The following KIF16B variants were observed in gnomAD, a reference collection of about 807,000 sequenced individuals.
The protein encoded by KIF16B is kinesin family member 16B, also known as kinesin-like protein KIF16B.
A neutral mutation model predicts 156.3 loss-of-function variants in KIF16B; 98 were observed. The ratio of observed to expected loss-of-function variants is 0.63; its 90% CI spans 0.53 to 0.74. The LOEUF (loss-of-function observed/expected upper bound fraction) is 0.74, where lower values mean the gene tolerates loss of function less well. Ranked by LOEUF, KIF16B falls within the 30% of genes least tolerant of loss-of-function variation. The probability of loss-of-function intolerance (pLI) is 0.00; values close to 1 mark genes in which losing one functional copy is unlikely to be tolerated. For missense variants in KIF16B, 1,421 were observed against 1,606.5 expected, an observed-to-expected ratio of 0.88 and a Z score of 1.97; for synonymous variants, 564 against 583.7, an observed-to-expected ratio of 0.97 and a Z score of 0.49.
rs558087338 is a variant in KIF16B at position 16,569,868 on chromosome 20, A to G, written c.47+3361T>C. Reference sequence around the variant, plus strand: ...CATGAGGAAAGTAAAAACAAACAGTAAAAAAAAAGCCTTTCATCTTTGCCT... The same window carrying G: ...CATGAGGAAAGTAAAAACAAACAGTGAAAAAAAAGCCTTTCATCTTTGCCT... On this transcript the variant is annotated intron_variant, in intron 1 of 25. Transcript: ENST00000354981. Among the ~76,000 whole-genome samples the G allele has an allele frequency of 2.0e-5, 3 of 151,278 alleles. No homozygotes were observed. The South Asian group carries it at 6.3e-4, about 32-fold the overall frequency.
chr20:16,476,832 G>C (rs1600497182), intron 12 of KIF16B, among the ~76,000 whole-genome samples: 1 of 152,100 alleles, frequency 6.6e-6, no homozygotes, highest in Admixed American at 6.5e-5. Flanking sequence ...AATCTCGGCT[G>C]ACTGCAACCT....
intron 23 of KIF16B, among the ~76,000 whole-genome samples, chr20:16,336,858 A>G (rs2064047745): frequency 6.6e-6 from 1 of 152,142 alleles, no homozygotes; most frequent in African/African-American, 2.4e-5. Flanking sequence ...TTAGAACTTT[A>G]TCCTTCCATC....
At chr20:16,569,696 A>C (rs1253426835) in intron 1 of KIF16B, among the ~76,000 whole-genome samples, 1 of 152,230 alleles carries the variant, frequency 6.6e-6, no homozygotes, top group African/African-American at 2.4e-5. Flanking sequence ...AATAAACATT[A>C]AAAACATTAA....
At position 16,297,674 on chromosome 20, in the gene KIF16B, C is replaced by T. The variant is rs1051140594; in HGVS notation, c.3795+14661G>A. On this transcript the variant is annotated intron_variant, in intron 25 of 25. Transcript: ENST00000354981. ...TCGCACTGTTGCACTCCAGCCTGGG[C>T]GACAGAGTGAGACTCCATCTCAGAA... Among the ~76,000 whole-genome samples, 61 of 139,178 alleles carry T rather than the reference C, an allele frequency of 4.4e-4. 1 individual carries two copies. The highest frequency in any genetic ancestry group is 7.1e-4 in the Non-Finnish European group (47 of 66,416). 91.3% of individuals were successfully genotyped at this position (139,178 alleles called of 152,430 possible).
chr20:16,565,071 A>T (rs545656913), intron 1 of KIF16B, among the ~76,000 whole-genome samples: 4 of 152,236 alleles, frequency 2.6e-5, no homozygotes, highest in Non-Finnish European at 5.9e-5. Flanking sequence ...AGATAATAGT[A>T]ACTATGATTT....
chr20:16,347,449 T>C (rs2064254220), intron 23 of KIF16B, among the ~76,000 whole-genome samples: 1 of 152,198 alleles, frequency 6.6e-6, no homozygotes, highest in African/African-American at 2.4e-5. Flanking sequence ...TGTAACTCAA[T>C]CTCATTTCTT....
chr20:16,356,439 C>T lies in KIF16B; in HGVS notation c.3512G>A (p.Arg1171His), dbSNP rs751530004. The T allele has an allele frequency of 1.3e-5, 21 of 1,613,814 alleles. No homozygotes were observed. The highest frequency in any genetic ancestry group is 6.7e-5 in the African/African-American group (5 of 74,878). ...RKLKYERMVSRSLGANPDDLK... is the reference protein window; with the variant it reads ...RKLKYERMVSHSLGANPDDLK... ...GTCATCTGGATTTGCGCCCAAAGAG[C>T]GAGAAACCATCCGCTATCAAAGGCA... The change falls in exon 23 of 26, where the codon CGC (arginine) becomes CAC (histidine). Residue 1171 changes from arginine (R) to histidine (H), a missense_variant. Coordinates refer to ENST00000354981, the MANE Select transcript of KIF16B (RefSeq NM_024704.5).
intron 24 of KIF16B, among the ~76,000 whole-genome samples, chr20:16,319,903 A>G (rs956480720): frequency 6.6e-6 from 1 of 152,174 alleles, no homozygotes; most frequent in Non-Finnish European, 1.5e-5. Flanking sequence ...CTTAAGAGAA[A>G]GTGTTTTACC....
chr20:16,456,328 C>T (rs1455676348), intron 12 of KIF16B, among the ~76,000 whole-genome samples: 2 of 152,150 alleles, frequency 1.3e-5, no homozygotes, highest in Non-Finnish European at 2.9e-5. Flanking sequence ...ATTCACATGA[C>T]ATTAATGTCT....
Position 16,508,025 on chromosome 20 carries a change from G to A in KIF16B, c.632C>T (p.Thr211Ile). 6.2e-7 allele frequency: 1 copy of A among 1,614,176 alleles called. No individual in the cohort carries two copies. The highest frequency in any genetic ancestry group is 8.5e-7 in the Non-Finnish European group (1 of 1,180,000). Reference sequence around the variant, plus strand: ...GACGTCGTTCATCCCAGTCGCTGCGGTGGTCCGGTTGATATTGCCCGCATC... The same window carrying A: ...GACGTCGTTCATCCCAGTCGCTGCGATGGTCCGGTTGATATTGCCCGCATC... ...LMDAGNINRTTAATGMNDVSS... is the reference protein window; with the variant it reads ...LMDAGNINRTIAATGMNDVSS... Residue 211 changes from threonine (T) to isoleucine (I), a missense_variant, in exon 7 of 26, where the codon ACC becomes ATC. Physicochemically the swap from Thr to Ile is moderately conservative, Grantham distance 89 (BLOSUM62 -1). Transcript: ENST00000354981.
intron 1 of KIF16B, among the ~76,000 whole-genome samples, chr20:16,538,953 C>G (rs1196803569): frequency 1.3e-5 from 2 of 152,126 alleles, no homozygotes; most frequent in African/African-American, 4.8e-5. Context: ...TGTGATGTGC[C>G]TGCTCCCACT....
chr20:16,521,306 A>G (rs1268984198), intron 3 of KIF16B, among the ~76,000 whole-genome samples: 1 of 152,074 alleles, frequency 6.6e-6, no homozygotes, highest in East Asian at 1.9e-4. Flanking sequence ...TAGAATAACC[A>G]GTTTTGAGAA....
chr20:16,470,924 C>G (rs540729727), intron 12 of KIF16B, among the ~76,000 whole-genome samples: 1 of 151,982 alleles, frequency 6.6e-6, no homozygotes, highest in African/African-American at 2.4e-5. Flanking sequence ...ACCTTCACTC[C>G]GTTCTCACCT....
intron 7 of KIF16B, among the ~76,000 whole-genome samples, chr20:16,506,408 G>T (rs2068780214): frequency 6.6e-6 from 1 of 152,120 alleles, no homozygotes; most frequent in African/African-American, 2.4e-5. Flanking sequence ...ACTTTCTAAA[G>T]AAGCATTTCA....
chr20:16,506,539 C>A (rs1459395939), intron 7 of KIF16B, among the ~76,000 whole-genome samples: 1 of 152,122 alleles, frequency 6.6e-6, no homozygotes, highest in African/African-American at 2.4e-5. Context: ...AGAATCCCAG[C>A]CTTCCAAGAA....
chr20:16,468,341 G>A (rs1220325912), intron 12 of KIF16B, among the ~76,000 whole-genome samples: 2 of 152,140 alleles, frequency 1.3e-5, no homozygotes, highest in East Asian at 3.8e-4. Context: ...GGAGGCTGAT[G>A]CAGATGGATC....
chr20:16,465,510 A>C (rs990690777), intron 12 of KIF16B, among the ~76,000 whole-genome samples: 2 of 152,150 alleles, frequency 1.3e-5, no homozygotes, highest in African/African-American at 4.8e-5. Context: ...TTAGCATGTT[A>C]TTTTAAAGCA....
Position 16,505,760 on chromosome 20 carries a change from TC to T in KIF16B, c.961del (p.Asp321IlefsTer11). ...RDSVLTWLLK[D>X]SLGGNSKTIM... ...AGTTTTAGAGTTTCCTCCAAGGCTA[TC>T]TTTTAACAACCAAGTCAACACAGAA... On this transcript the variant is annotated frameshift_variant, in exon 9 of 26. Transcript: ENST00000354981. LOFTEE classifies it high-confidence loss of function. 6.2e-7 allele frequency: 1 copy of T among 1,613,908 alleles called. No homozygotes were observed. The highest frequency in any genetic ancestry group is 1.3e-5 in the African/African-American group (1 of 75,052).
At chr20:16,274,555 T>TA (rs1309802926) in intron 25 of KIF16B, among the ~76,000 whole-genome samples, 110 of 152,336 alleles carry the variant, frequency 7.2e-4, no homozygotes, top group African/African-American at 2.6e-3. Flanking sequence ...TCAGTGTGCT[T>TA]AAAAAACCCA....
Sources: allele counts gnomAD v4.1 joint callset (sites outside exome capture counted in the v4.1 genomes callset), GRCh38; gene constraint gnomAD v4.1.1; transcripts MANE v1.5; gene names NCBI Gene and HGNC (gene_info 2026-07-23, HGNC 2026-07-21).